CDH13: variants seen among roughly 807,000 people sequenced by gnomAD.
CDH13 encodes cadherin 13.
Under a neutral mutation model 63.8 loss-of-function variants are expected in CDH13, and 24 were observed. That is an observed-to-expected ratio of 0.38 (90% confidence interval 0.27 to 0.53). The LOEUF (loss-of-function observed/expected upper bound fraction) is 0.53, where lower values mean the gene tolerates loss of function less well. CDH13 is among the 20% of genes least tolerant of loss of function. CDH13 has a pLI of 0.85. For synonymous variants in CDH13, 503 were observed against 355.3 expected (o/e 1.42, Z -4.67); for missense variants, 1,049 against 903.1 (o/e 1.16, Z -2.07).
At chr16:83,115,384 C>G (rs1452764298) in intron 3 of CDH13, among the ~76,000 whole-genome samples, 1 of 152,192 alleles carries the variant, frequency 6.6e-6, no homozygotes, top group African/African-American at 2.4e-5. Context: ...CTATGGCAGA[C>G]TTGGTGAATC....
At chr16:83,345,577 A>G (rs1338436541) in intron 6 of CDH13, among the ~76,000 whole-genome samples, 1 of 152,232 alleles carries the variant, frequency 6.6e-6, no homozygotes, top group African/African-American at 2.4e-5. Context: ...CAAGGTTACT[A>G]TAGAGCTCCC....
intron 6 of CDH13, among the ~76,000 whole-genome samples, chr16:83,476,213 G>A (rs1205914904): frequency 1.3e-5 from 2 of 152,130 alleles, no homozygotes; most frequent in African/African-American, 2.4e-5. Context: ...GTCAGATATA[G>A]AGCAGCATCC....
intron 1 of CDH13, among the ~76,000 whole-genome samples, chr16:82,809,233 C>G (rs1003115386): frequency 1.3e-5 from 2 of 151,720 alleles, no homozygotes; most frequent in Non-Finnish European, 2.9e-5. Flanking sequence ...AAACATTTGC[C>G]AAGCTATTAT....
intron 7 of CDH13, among the ~76,000 whole-genome samples, chr16:83,553,549 T>C (rs1191268813): frequency 1.3e-5 from 2 of 152,190 alleles, no homozygotes; most frequent in African/African-American, 4.8e-5. Context: ...TGATGGGTTT[T>C]TTTTGTTGTT....
chr16:83,706,083 C>G (rs936750615), intron 10 of CDH13, among the ~76,000 whole-genome samples: 4 of 152,286 alleles, frequency 2.6e-5, no homozygotes, highest in African/African-American at 7.2e-5. Context: ...GCCTCAATGT[C>G]TGAGGCCTTA....
intron 1 of CDH13, chr16:82,639,375 C>A (rs950705310): frequency 3.3e-6 from 5 of 1,535,376 alleles, no homozygotes; most frequent in Middle Eastern, 1.7e-4. Flanking sequence ...AACAACCCAC[C>A]TGCACTGCAT....
At chr16:83,312,338 T>C (rs1038095163) in intron 5 of CDH13, among the ~76,000 whole-genome samples, 1 of 152,128 alleles carries the variant, frequency 6.6e-6, no homozygotes, top group African/African-American at 2.4e-5. Flanking sequence ...AATAGAATCA[T>C]TGGATGGACA....
intron 1 of CDH13, among the ~76,000 whole-genome samples, chr16:82,698,355 T>C (rs2030579802): frequency 6.6e-6 from 1 of 152,236 alleles, no homozygotes; most frequent in African/African-American, 2.4e-5. Context: ...CTGGGTACTC[T>C]CTGTAGATGG....
Position 83,010,243 on chromosome 16 carries a change from G to A in CDH13, c.158-21767G>A, listed in dbSNP as rs928960884. Among the ~76,000 whole-genome samples the A allele has an allele frequency of 3.3e-5, 5 of 150,964 alleles. No individual in the cohort carries two copies. The East Asian group carries it at 5.9e-4, about 18-fold the overall frequency. On this transcript the variant is annotated intron_variant, in intron 2 of 13. Transcript: ENST00000567109. Reference sequence around the variant, plus strand: ...TGCTCATGCTGCTGATCCTGGCACAGCACTTTGAGAATCCTTGGTCCACGC... The same window carrying A: ...TGCTCATGCTGCTGATCCTGGCACAACACTTTGAGAATCCTTGGTCCACGC...
At chr16:82,899,060 T>A (rs1393802009) in intron 2 of CDH13, among the ~76,000 whole-genome samples, 1 of 152,176 alleles carries the variant, frequency 6.6e-6, no homozygotes, top group Non-Finnish European at 1.5e-5. Context: ...AAGTCCTTTT[T>A]GAAGGACCAT....
At chr16:82,627,244 C>A in intron 1 of CDH13, 107 bp downstream of exon 1, 1 of 964,280 alleles carries the variant, frequency 1.0e-6, no homozygotes, top group South Asian at 1.4e-5. Context: ...CCTCCGGTCG[C>A]GGCGGCGAAG....
At chr16:82,862,521 A>G (rs554520691) in intron 2 of CDH13, among the ~76,000 whole-genome samples, 1 of 152,104 alleles carries the variant, frequency 6.6e-6, no homozygotes, top group Admixed American at 6.5e-5. Context: ...TCCAGAAAGA[A>G]GATCCTCATT....
intron 2 of CDH13, among the ~76,000 whole-genome samples, chr16:82,878,577 T>G (rs9933586): frequency 7.5e-5 from 11 of 146,990 alleles, no homozygotes; most frequent in African/African-American, 2.7e-4. Flanking sequence ...CAGAACCCCT[T>G]CTGTGCGTTG....
intron 5 of CDH13, among the ~76,000 whole-genome samples, chr16:83,231,413 G>A (rs2039995117): frequency 6.6e-6 from 1 of 152,188 alleles, no homozygotes; most frequent in Non-Finnish European, 1.5e-5. Flanking sequence ...ATGGAGTCAG[G>A]ATTGGGGTGA....
chr16:82,736,606 A>G (rs1156605654), intron 1 of CDH13, among the ~76,000 whole-genome samples: 1 of 152,172 alleles, frequency 6.6e-6, no homozygotes, highest in Non-Finnish European at 1.5e-5. Flanking sequence ...TCATTTTGTG[A>G]TGGTATTTTT....
chr16:82,820,471 C>T (rs900786390), intron 1 of CDH13, among the ~76,000 whole-genome samples: 7 of 152,192 alleles, frequency 4.6e-5, no homozygotes, highest in African/African-American at 1.7e-4. Flanking sequence ...TTTAAGTAAC[C>T]TCCCCACAGT....
chr16:82,914,031 G>T (rs965592269), intron 2 of CDH13, among the ~76,000 whole-genome samples: 2 of 151,778 alleles, frequency 1.3e-5, no homozygotes, highest in East Asian at 1.9e-4. Flanking sequence ...TTGCTGTGTG[G>T]TAAGAGCAAT....
rs570682898 is a variant in CDH13, at chr16:83,207,929, G to C, written c.484-9416G>C. 5.9e-5 allele frequency among the ~76,000 whole-genome samples: 9 copies of C among 152,256 alleles called. No individual in the cohort carries two copies. In the East Asian group the frequency reaches 1.7e-3, roughly 29 times the overall value. On this transcript the variant is annotated intron_variant, in intron 4 of 13. Transcript: ENST00000567109. ...AGTCTGCTATATAAGAAGGAAACCA[G>C]ACTGGCAAAATGACCACTAAAAGAT...
intron 3 of CDH13, among the ~76,000 whole-genome samples, chr16:83,034,322 A>T (rs192409469): frequency 6.6e-6 from 1 of 152,136 alleles, no homozygotes; most frequent in African/African-American, 2.4e-5. Context: ...GAACTTCACA[A>T]TTCCCCTTCA....
Sources: allele counts gnomAD v4.1 joint callset (sites outside exome capture counted in the v4.1 genomes callset), GRCh38; gene constraint gnomAD v4.1.1; transcripts MANE v1.5; gene names NCBI Gene and HGNC (gene_info 2026-07-23, HGNC 2026-07-21).